The following RAD51B variants were observed in gnomAD, a reference collection of about 807,000 sequenced individuals.
The protein encoded by RAD51B is DNA repair protein RAD51 homolog 2.
In RAD51B, 38 loss-of-function variants were observed where a neutral mutation model predicts 42.2. That is an observed-to-expected ratio of 0.90 (90% confidence interval 0.70 to 1.18). The LOEUF is 1.18. Ranked by LOEUF, RAD51B falls within the 50% of genes most tolerant of loss-of-function variation. The probability of loss-of-function intolerance (pLI) is 0.00; values close to 1 mark genes in which losing one functional copy is unlikely to be tolerated. For missense variants in RAD51B, 373 were observed against 400.7 expected, an observed-to-expected ratio of 0.93 and a Z score of 0.59; for synonymous variants, 154 against 145.2, an observed-to-expected ratio of 1.06 and a Z score of -0.43.
intron 7 of RAD51B, among the ~76,000 whole-genome samples, chr14:68,039,172 G>A (rs1050463989): frequency 6.6e-6 from 1 of 152,142 alleles, no homozygotes; most frequent in East Asian, 1.9e-4. Flanking sequence ...GGCTCATGCT[G>A]TAATCCCAGC....
At chr14:68,113,932 T>G (rs2077499775) in intron 7 of RAD51B, 1 of 152,180 alleles carries the variant, frequency 6.6e-6, no homozygotes, top group Non-Finnish European at 1.5e-5. Flanking sequence ...GCCGCATTCA[T>G]GAGGTTTCTC....
intron 10 of RAD51B, among the ~76,000 whole-genome samples, chr14:68,515,937 C>A (rs1191916093): frequency 6.6e-6 from 1 of 152,006 alleles, no homozygotes; most frequent in East Asian, 1.9e-4. Flanking sequence ...AGGCACCCAC[C>A]ACCATGCCCG....
At chr14:68,096,344 T>G (rs1396864056) in intron 7 of RAD51B, among the ~76,000 whole-genome samples, 5 of 152,212 alleles carry the variant, frequency 3.3e-5, no homozygotes, top group Non-Finnish European at 7.3e-5. Flanking sequence ...CCAAATGTAT[T>G]TATAGAATAT....
rs543938026 is a variant in RAD51B, at chr14:68,617,874, C to T, written c.1037-32907C>T. Among the ~76,000 whole-genome samples the T allele has an allele frequency of 1.6e-4, 25 of 152,222 alleles. No individual in the cohort carries two copies. In the East Asian group the frequency reaches 2.1e-3, roughly 13 times the overall value. On this transcript the variant is annotated intron_variant, in intron 10 of 11. Transcript: ENST00000488612. Reference sequence around the variant, plus strand: ...CCTCTATATTTTTCATCCAGGCCTGCGGGGTCATCCTCTTTGGCTTCAAAT... The same window carrying T: ...CCTCTATATTTTTCATCCAGGCCTGTGGGGTCATCCTCTTTGGCTTCAAAT...
At chr14:68,218,355 G>T (rs17105191) in intron 7 of RAD51B, among the ~76,000 whole-genome samples, 3,771 of 152,296 alleles carry the variant, frequency 0.025, 172 homozygotes, top group African/African-American at 0.087. Flanking sequence ...AAACTTTAAT[G>T]CTGGCTTCAG....
At chr14:68,094,466 A>G (rs569228259) in intron 7 of RAD51B, among the ~76,000 whole-genome samples, 1 of 152,370 alleles carries the variant, frequency 6.6e-6, no homozygotes, top group South Asian at 2.1e-4. Context: ...AAGGCTATTC[A>G]TAGCATATTG....
intron 9 of RAD51B, among the ~76,000 whole-genome samples, chr14:68,458,645 ACT>A (rs1045615565): frequency 6.0e-5 from 9 of 150,382 alleles, no homozygotes; most frequent in African/African-American, 1.5e-4. Context: ...TTCCTAAGAG[ACT>A]CTTCCCAGAG....
chr14:68,219,130 C>T (rs1381940387), intron 7 of RAD51B, among the ~76,000 whole-genome samples: 1 of 152,168 alleles, frequency 6.6e-6, no homozygotes, highest in African/African-American at 2.4e-5. Context: ...GCTGACAGAG[C>T]ACCATAATCT....
intron 7 of RAD51B, among the ~76,000 whole-genome samples, chr14:68,276,302 CCT>C (rs2081223643): frequency 6.6e-6 from 1 of 152,170 alleles, no homozygotes; most frequent in South Asian, 2.1e-4. Context: ...TGACTCCTCC[CCT>C]GAGTCTCCCA....
intron 11 of RAD51B, among the ~76,000 whole-genome samples, chr14:68,678,183 G>A (rs1893353147): frequency 6.6e-6 from 1 of 152,124 alleles, no homozygotes; most frequent in African/African-American, 2.4e-5. Flanking sequence ...CTTAACCGCT[G>A]AGCTCCACCA....
chr14:67,846,662 C>G (rs1053837468), intron 4 of RAD51B, among the ~76,000 whole-genome samples: 2 of 152,068 alleles, frequency 1.3e-5, no homozygotes, highest in Non-Finnish European at 2.9e-5. Flanking sequence ...GTTGGGCATC[C>G]GAGGGTACAC....
chr14:68,292,322 C>T (rs1365640932), intron 8 of RAD51B, among the ~76,000 whole-genome samples: 2 of 152,134 alleles, frequency 1.3e-5, no homozygotes, highest in Non-Finnish European at 2.9e-5. Flanking sequence ...AGCAATTTAG[C>T]CTTTTGCTTG....
At chr14:68,000,400 A>T (rs2075459588) in intron 7 of RAD51B, 1 of 152,152 alleles carries the variant, frequency 6.6e-6, no homozygotes, top group Non-Finnish European at 1.5e-5. Context: ...TACTATAAAG[A>T]CTTTTCTTAG....
intron 7 of RAD51B, among the ~76,000 whole-genome samples, chr14:68,151,823 C>CTTTTTTT (rs71129868): frequency 2.5e-5 from 1 of 39,936 alleles, no homozygotes; most frequent in African/African-American, 9.5e-5. Context: ...GTTATAAAGA[C>CTTTTTTT]TTTTTTTTTT....
intron 10 of RAD51B, chr14:68,470,849 C>T (rs2086105949): frequency 1.8e-5 from 7 of 382,638 alleles, no homozygotes; most frequent in Non-Finnish European, 2.9e-5. Flanking sequence ...CAGCTTTGTC[C>T]GATCCTCCTA....
rs1368701968 is a variant in RAD51B, at chr14:67,872,640, G to A, written c.452+7501G>A. Among the ~76,000 whole-genome samples the A allele has an allele frequency of 2.1e-4, 31 of 151,124 alleles. 1 individual carries two copies. Among genetic ancestry groups the A allele is most frequent in the South Asian group, 1.9e-3 (9 of 4,740 alleles). ...GAGCCCGCATCGCCAAGTCAATCCT[G>A]AGCCAAAAGAACAAGGCTGGAGGCA... On this transcript the variant is annotated intron_variant, in intron 5 of 10. Coordinates refer to ENST00000471583, the MANE Select transcript of RAD51B (RefSeq NM_133510.4).
chr14:68,028,326 G>C (rs190188021), intron 7 of RAD51B, among the ~76,000 whole-genome samples: 352 of 152,296 alleles, frequency 2.3e-3, no homozygotes, highest in Middle Eastern at 0.017. Context: ...CCTTTCTTTT[G>C]CTAGGTGTTC....
intron 8 of RAD51B, among the ~76,000 whole-genome samples, chr14:68,360,300 A>C (rs1594724081): frequency 6.6e-6 from 1 of 151,802 alleles, no homozygotes; most frequent in South Asian, 2.1e-4. Context: ...CCTTCTCCCC[A>C]CCCTTCCCTG....
chr14:68,123,347 C>T (rs1484331868), intron 7 of RAD51B, among the ~76,000 whole-genome samples: 1 of 152,046 alleles, frequency 6.6e-6, no homozygotes, highest in African/African-American at 2.4e-5. Context: ...ACCACCATAT[C>T]TGACTAATTT....
Sources: gnomAD v4.1 joint callset for allele counts (sites outside exome capture counted in the v4.1 genomes callset) on GRCh38, gnomAD v4.1.1 for gene constraint, MANE v1.5 for transcripts, NCBI Gene and HGNC (gene_info 2026-07-23, HGNC 2026-07-21) for gene names.